Variants in STARD9 observed in about 807,000 individuals in gnomAD.
STARD9 encodes the protein StAR related lipid transfer domain containing 9.
In STARD9, 346 loss-of-function variants were observed where a neutral mutation model predicts 399.8. The ratio of observed to expected loss-of-function variants is 0.87; its 90% CI spans 0.79 to 0.95. The LOEUF (loss-of-function observed/expected upper bound fraction) is 0.95. STARD9 is among the 40% of genes least tolerant of loss of function. The pLI, the probability that STARD9 is intolerant of heterozygous loss-of-function variation, is 0.00. For missense variants in STARD9, 5,832 were observed against 5,667.5 expected (o/e 1.03, Z -0.93); for synonymous variants, 2,203 against 2,143.5 (o/e 1.03, Z -0.77).
In STARD9 at chr15:42,687,927, C is replaced by A. The variant is rs1159585290; in HGVS notation, c.6349C>A (p.Pro2117Thr). ...PLPSKDQPSS[P>T]RQTDDTVFRD... ...GCCCTCTAAGGATCAGCCATCTTCT[C>A]CAAGACAGACAGATGATACTGTCTT... Residue 2117 changes from proline to threonine, a missense_variant, in exon 23 of 33, where the codon CCA (proline) becomes ACA (threonine). Around this residue, in one of 2 missense-constraint regions of STARD9, gnomAD observed 5,828 missense variants for 5,651.1 expected, o/e 1.03. Coordinates refer to ENST00000290607, the MANE Select transcript of STARD9 (RefSeq NM_020759.3). 6.5e-7 allele frequency: 1 copy of A among 1,537,258 alleles called. No individual in the cohort carries two copies. The highest frequency in any genetic ancestry group is 1.7e-4 in the Middle Eastern group (1 of 5,990).
intron 7 of STARD9, among the ~76,000 whole-genome samples, chr15:42,644,991 T>A (rs561421938): frequency 1.4e-3 from 216 of 152,334 alleles, no homozygotes; most frequent in African/African-American, 4.3e-3. Context: ...TTCAGTCACA[T>A]CTTCAGGCTC....
chr15:42,618,420 G>A (rs1439883069), intron 3 of STARD9, among the ~76,000 whole-genome samples: 7 of 151,896 alleles, frequency 4.6e-5, no homozygotes, highest in African/African-American at 1.5e-4. Flanking sequence ...GGCATGAGCC[G>A]CCACACCCTG....
rs888998420 is a variant in STARD9, at chr15:42,718,070, G to A, written c.13653G>A (p.Pro4551=). The change falls in exon 30 of 33, where the codon CCG becomes CCA. Residue 4551 remains proline (P), a synonymous_variant. Transcript: ENST00000290607. ...GFLGAGVVSQ[P]LSRVWAAVSD... The stretch of plus-strand genomic sequence containing the variant: ...TGGGGGCAGGTGTGGTGTCCCAGCC[G>A]CTGTCTCGTGTGTGGGCGGCTGTCA... 9.1e-6 allele frequency: 14 copies of A among 1,537,202 alleles called. No homozygotes were observed. The highest frequency in any genetic ancestry group is 7.1e-5 in the South Asian group (6 of 84,054).
intron 3 of STARD9, among the ~76,000 whole-genome samples, chr15:42,587,440 G>C (rs909118128): frequency 2.6e-5 from 4 of 152,210 alleles, no homozygotes; most frequent in Non-Finnish European, 5.9e-5. Context: ...TGTGTTTGCT[G>C]TTAATGCTCA....
At position 42,661,219 on chromosome 15, in the gene STARD9, C is replaced by G; in HGVS notation, c.764C>G (p.Ala255Gly). The change falls in exon 10 of 33, where the codon GCA (alanine) becomes GGA (glycine). Residue 255 changes from alanine to glycine, a missense_variant. Ala to Gly is a moderately conservative substitution (Grantham distance 60, BLOSUM62 0). Coordinates refer to ENST00000290607, the MANE Select transcript of STARD9 (RefSeq NM_020759.3). ...MASKINLVDLAGSERADPSYC... is the reference protein window; with the variant it reads ...MASKINLVDLGGSERADPSYC... Reference sequence around the variant, plus strand: ...AGCAAGATCAACCTTGTGGACCTAGCAGGCAGGTAATTAGGATTTTAAAGC... The same window carrying G: ...AGCAAGATCAACCTTGTGGACCTAGGAGGCAGGTAATTAGGATTTTAAAGC... 1.3e-6 allele frequency: 2 copies of G among 1,535,448 alleles called. No individual in the cohort carries two copies. The highest frequency in any genetic ancestry group is 1.2e-5 in the South Asian group (1 of 84,028).
At position 42,638,293 on chromosome 15, in the gene STARD9, G is replaced by A. The variant is rs1487776314; in HGVS notation, c.446+206G>A. ...AATTTCCTACCCATAGACTTAACAAGCAGGTCTTTCCTTCTGTGGCCCAAC... is the reference window on the plus strand; with the variant it reads ...AATTTCCTACCCATAGACTTAACAAACAGGTCTTTCCTTCTGTGGCCCAAC... On this transcript the variant is annotated intron_variant, in intron 6 of 32. Transcript: ENST00000290607. 6 of 605,954 alleles carry A rather than the reference G, an allele frequency of 9.9e-6. No individual in the cohort carries two copies. The East Asian group carries it at 1.4e-4, about 14-fold the overall frequency. 37.5% of individuals were successfully genotyped at this position (605,954 alleles called of 1,614,324 possible). A position where few individuals can be genotyped will look rare whatever the true frequency, so the allele number is the denominator to read the frequency against.
rs1309634719 is a variant in STARD9, at chr15:42,691,675, A to G, written c.10097A>G (p.Tyr3366Cys). The G allele has an allele frequency of 4.6e-6, 7 of 1,537,282 alleles. No individual in the cohort carries two copies. Among genetic ancestry groups the G allele is most frequent in the African/African-American group, 4.1e-5 (3 of 73,168 alleles). ...NRLWNPHLRG[Y>C]SSGKSVARTS... ...TTGTGGAACCCACATCTCAGGGGCTATTCCTCAGGAAAGTCAGTGGCAAGA... is the reference window on the plus strand; with the variant it reads ...TTGTGGAACCCACATCTCAGGGGCTGTTCCTCAGGAAAGTCAGTGGCAAGA... Residue 3366 changes from tyrosine (Y) to cysteine (C), a missense_variant, in exon 23 of 33, where the codon TAT becomes TGT. Transcript: ENST00000290607.
At chr15:42,613,691 G>A (rs1026078034) in intron 3 of STARD9, among the ~76,000 whole-genome samples, 7 of 152,138 alleles carry the variant, frequency 4.6e-5, no homozygotes, top group African/African-American at 1.4e-4. Context: ...TCGGCTGGGC[G>A]AGATGGCTCA....
intron 3 of STARD9, among the ~76,000 whole-genome samples, chr15:42,607,651 T>TACAGAC (rs1555390492): frequency 7.0e-6 from 1 of 143,668 alleles, no homozygotes; most frequent in Non-Finnish European, 1.5e-5. Flanking sequence ...CACACACTTA[T>TACAGAC]ACACACACAC....
rs2140425707 is a variant in STARD9 at position 42,717,803 on chromosome 15, T to C, written c.13559+8T>C. On this transcript the variant is annotated splice_region_variant and intron_variant, in intron 29 of 32. Transcript: ENST00000290607. Reference sequence around the variant, plus strand: ...GGCAACTGCTGGCTGGAAGTAAGTTTGTTTAGGGTCCTTTGTACAGTGTCT... The same window carrying C: ...GGCAACTGCTGGCTGGAAGTAAGTTCGTTTAGGGTCCTTTGTACAGTGTCT... The C allele has an allele frequency of 6.5e-7, 1 of 1,537,046 alleles. No individual in the cohort carries two copies. The highest frequency in any genetic ancestry group is 8.7e-7 in the Non-Finnish European group (1 of 1,146,752).
At chr15:42,627,253 G>A (rs2059244512) in intron 3 of STARD9, among the ~76,000 whole-genome samples, 1 of 152,092 alleles carries the variant, frequency 6.6e-6, no homozygotes, top group South Asian at 2.1e-4. Context: ...CTGTGATTGT[G>A]CCACTGTACT....
Position 42,688,806 on chromosome 15 carries a change from T to C in STARD9, c.7228T>C (p.Ser2410Pro). The C allele has an allele frequency of 6.5e-7, 1 of 1,537,304 alleles. No individual in the cohort carries two copies. The highest frequency in any genetic ancestry group is 1.2e-5 in the South Asian group (1 of 84,050). Residue 2410 changes from serine (S) to proline (P), a missense_variant, in exon 23 of 33, where the codon TCT (serine) becomes CCT (proline). Physicochemically the swap from Ser to Pro is moderately conservative, Grantham distance 74. This residue lies in a region of STARD9 where 5,828 missense variants were observed against 5,651.1 expected (regional missense o/e 1.03). Coordinates refer to ENST00000290607, the MANE Select transcript of STARD9 (RefSeq NM_020759.3). The part of the protein sequence containing the change: ...SSEAHTAWCG[S>P]VRSMAMGSHS... The stretch of plus-strand genomic sequence containing the variant: ...TGAGGCACACACTGCCTGGTGTGGG[T>C]CTGTGCGATCCATGGCCATGGGATC...
intron 1 of STARD9, chr15:42,581,359 A>T (rs1266019556): frequency 2.7e-6 from 4 of 1,457,294 alleles, no homozygotes; most frequent in South Asian, 1.2e-5. Context: ...GGTGTGGTGG[A>T]GAAGAGCGTC....
At chr15:42,654,358 C>T (rs1453982908) in intron 9 of STARD9, among the ~76,000 whole-genome samples, 1 of 149,878 alleles carries the variant, frequency 6.7e-6, no homozygotes, top group Non-Finnish European at 1.5e-5. Flanking sequence ...ACCTTAGAAT[C>T]ACAGACACAG....
chr15:42,592,670 C>T (rs970259899), intron 3 of STARD9, among the ~76,000 whole-genome samples: 1 of 152,128 alleles, frequency 6.6e-6, no homozygotes, highest in East Asian at 1.9e-4. Context: ...TCTCGAACTC[C>T]GGATCTCAAG....
intron 14 of STARD9, 62 bp downstream of exon 14, chr15:42,665,392 T>G: frequency 7.3e-7 from 1 of 1,364,794 alleles, no homozygotes; most frequent in Non-Finnish European, 1.0e-6. Flanking sequence ...GCCTCTTTTC[T>G]TCTCCATAGA....
rs1041214099 is a variant in STARD9 at position 42,684,981 on chromosome 15, G to C, written c.3403G>C (p.Glu1135Gln). 2.6e-6 allele frequency: 4 copies of C among 1,536,950 alleles called. No homozygotes were observed. The African/African-American group carries it at 5.5e-5, about 21-fold the overall frequency. Reference protein sequence around the residue: ...KPEERKWDFPEPENSESDDSQ... With the variant: ...KPEERKWDFPQPENSESDDSQ... ...AGAGGAGAGGAAATGGGATTTCCCA[G>C]AGCCAGAGAACTCTGAAAGTGATGA... The change falls in exon 23 of 33, where the codon GAG (glutamate) becomes CAG (glutamine). Residue 1135 changes from glutamate to glutamine, a missense_variant. Around this residue, in one of 2 missense-constraint regions of STARD9, gnomAD observed 5,828 missense variants for 5,651.1 expected, o/e 1.03. Coordinates refer to ENST00000290607, the MANE Select transcript of STARD9 (RefSeq NM_020759.3).
chr15:42,662,766 T>G, intron 10 of STARD9, 28 bp from the exon 11 acceptor site: 2 of 1,477,496 alleles, frequency 1.4e-6, no homozygotes. Context: ...TTTGCTTTTG[T>G]TTTTGTTTTT....
chr15:42,682,521 G>T lies in STARD9; in HGVS notation c.2483G>T (p.Cys828Phe). ...RPPCRSKLTS[C>F]SSLSPQRLCS... ...CCATGTAGAAGCAAATTGACGAGTTGCAGTTCTTTGAGCCCCCAAAGACTC... is the reference window on the plus strand; with the variant it reads ...CCATGTAGAAGCAAATTGACGAGTTTCAGTTCTTTGAGCCCCCAAAGACTC... The change falls in exon 22 of 33, where the codon TGC becomes TTC. Residue 828 changes from cysteine to phenylalanine, a missense_variant. Coordinates refer to ENST00000290607, the MANE Select transcript of STARD9 (RefSeq NM_020759.3). 1 of 1,537,160 alleles carries T rather than the reference G, an allele frequency of 6.5e-7. No homozygotes were observed. Among genetic ancestry groups the T allele is most frequent in the Non-Finnish European group, 8.7e-7 (1 of 1,146,888 alleles).
Sources: gnomAD v4.1 joint callset for allele counts (sites outside exome capture counted in the v4.1 genomes callset) on GRCh38, gnomAD v4.1.1 for gene constraint, gnomAD v4.1.1 regional missense constraint, MANE v1.5 for transcripts, NCBI Gene and HGNC (gene_info 2026-07-23, HGNC 2026-07-21) for gene names.